Variants in CSMD3 observed in about 807,000 individuals in gnomAD.
The protein encoded by CSMD3 is CUB and Sushi multiple domains 3, also known as CUB and sushi domain-containing protein 3.
Under a neutral mutation model 435.2 loss-of-function variants are expected in CSMD3, and 177 were observed. The observed-to-expected ratio is 0.41, with a 90% CI of 0.36 to 0.46. The LOEUF (loss-of-function observed/expected upper bound fraction) is 0.46. CSMD3 is among the 20% of genes least tolerant of loss of function. The pLI is 0.34. For synonymous variants in CSMD3, 1,656 were observed against 1,520.5 expected (o/e 1.09, Z -2.07); for missense variants, 4,265 against 4,504.6 (o/e 0.95, Z 1.52).
chr8:112,788,745 C>T (rs1488711323), intron 13 of CSMD3, among the ~76,000 whole-genome samples: 1 of 152,074 alleles, frequency 6.6e-6, no homozygotes, highest in African/African-American at 2.4e-5. Flanking sequence ...ACCACTCATT[C>T]TAATTCTTGG....
intron 3 of CSMD3, among the ~76,000 whole-genome samples, chr8:113,270,381 T>C (rs1041968589): frequency 3.9e-5 from 6 of 152,042 alleles, no homozygotes; most frequent in Admixed American, 1.3e-4. Context: ...TTGGTGGGAC[T>C]GTAAACTAGT....
chr8:112,853,454 G>T (rs765892792), intron 11 of CSMD3, among the ~76,000 whole-genome samples: 1 of 152,182 alleles, frequency 6.6e-6, no homozygotes, highest in Non-Finnish European at 1.5e-5. Context: ...TCAAACTCCT[G>T]ACCTCAGGTG....
rs4030099 is a variant in CSMD3, at chr8:112,361,572, CATATATATATATATATATATATAT to C, written c.6137-9062_6137-9039del. ...GTGTGTATGTATATATATACACATA[CATATATATATATATATATATATAT>C]ATATATATATATATATATATATATG... On this transcript the variant is annotated intron_variant, in intron 38 of 70. Coordinates refer to ENST00000297405, the MANE Select transcript of CSMD3 (RefSeq NM_198123.2). 4.5e-3 allele frequency among the ~76,000 whole-genome samples: 479 copies of C among 107,186 alleles called. 3 individuals carry two copies. The highest frequency in any genetic ancestry group is 6.2e-3 in the Non-Finnish European group (327 of 52,708). The allele number at this position is 107,186 out of a possible 152,430, so 70.3% of individuals were successfully genotyped here. A position where few individuals can be genotyped will look rare whatever the true frequency, so the allele number is the denominator to read the frequency against.
intron 9 of CSMD3, among the ~76,000 whole-genome samples, chr8:112,931,943 T>A (rs190475833): frequency 6.6e-6 from 1 of 152,180 alleles, no homozygotes; most frequent in East Asian, 1.9e-4. Flanking sequence ...AGACCTAAAG[T>A]AACAAATGCT....
chr8:113,119,721 T>C (rs934168202), intron 4 of CSMD3, among the ~76,000 whole-genome samples: 2 of 152,042 alleles, frequency 1.3e-5, no homozygotes, highest in African/African-American at 2.4e-5. Context: ...ATAGGAAAAA[T>C]AGTTAAATTC....
intron 12 of CSMD3, among the ~76,000 whole-genome samples, chr8:112,807,504 G>A (rs963678864): frequency 1.4e-5 from 2 of 147,664 alleles, no homozygotes; most frequent in Non-Finnish European, 3.0e-5. Context: ...AGGTAGGTAG[G>A]TAGGTAGGTA....
At position 112,770,118 on chromosome 8, in the gene CSMD3, A is replaced by C. The variant is rs73340202; in HGVS notation, c.1972+30044T>G. Among the ~76,000 whole-genome samples, 453 of 152,112 alleles carry C rather than the reference A, an allele frequency of 3.0e-3. 1 individual carries two copies. The highest frequency in any genetic ancestry group is 0.01 in the African/African-American group (420 of 41,524). On this transcript the variant is annotated intron_variant, in intron 13 of 70. Coordinates refer to ENST00000297405, the MANE Select transcript of CSMD3 (RefSeq NM_198123.2). ...TGTCTTATTAATCTTCTTTTATTTC[A>C]AGTACATGAAAAATTAAAAAAAGCT... is the stretch of plus-strand genomic sequence containing the variant.
chr8:112,432,594 T>A lies in CSMD3; in HGVS notation c.5396-23562A>T, dbSNP rs140107808. ...ACCCAAAGTGTTGGGATTAAAGATG[T>A]GGGCCACTGCACCCAGCCAGAATCA... On this transcript the variant is annotated intron_variant, in intron 32 of 70. Transcript: ENST00000297405. 5.6e-3 allele frequency among the ~76,000 whole-genome samples: 845 copies of A among 152,228 alleles called. 12 individuals carry two copies. Among genetic ancestry groups the A allele is most frequent in the African/African-American group, 0.019 (807 of 41,554 alleles).
chr8:113,186,288 C>G (rs940913050), intron 3 of CSMD3, among the ~76,000 whole-genome samples: 1 of 152,010 alleles, frequency 6.6e-6, no homozygotes, highest in Non-Finnish European at 1.5e-5. Flanking sequence ...TCATTGGCCA[C>G]TACCCACAAG....
At position 112,851,253 on chromosome 8, in the gene CSMD3, A is replaced by G. The variant is rs555636196; in HGVS notation, c.1755+7892T>C. 2.0e-5 allele frequency among the ~76,000 whole-genome samples: 3 copies of G among 152,304 alleles called. No individual in the cohort carries two copies. The South Asian group carries it at 6.2e-4, about 32-fold the overall frequency. ...CGTAACTTTGATTGAAGTCCCCTCC[A>G]GGACCACCCGGAATGGCAGAAAGGT... On this transcript the variant is annotated intron_variant, in intron 11 of 70. Transcript: ENST00000297405.
chr8:113,225,708 A>C (rs1016774842), intron 3 of CSMD3, among the ~76,000 whole-genome samples: 2 of 151,568 alleles, frequency 1.3e-5, no homozygotes, highest in Non-Finnish European at 3.0e-5. Flanking sequence ...AGTAACATAC[A>C]ATTCAGGGGG....
chr8:113,118,845 C>T (rs997757366), intron 4 of CSMD3, among the ~76,000 whole-genome samples: 8 of 152,038 alleles, frequency 5.3e-5, no homozygotes, highest in Non-Finnish European at 7.3e-5. Context: ...GCAAAATTGC[C>T]GCAGCAGGGG....
chr8:112,329,137 A>C (rs2130914218), intron 45 of CSMD3, among the ~76,000 whole-genome samples: 1 of 152,260 alleles, frequency 6.6e-6, no homozygotes, highest in South Asian at 2.1e-4. Context: ...TGAGCCCATT[A>C]AAATCTGAAA....
At chr8:112,635,711 T>G (rs1450929415) in intron 22 of CSMD3, among the ~76,000 whole-genome samples, 1 of 152,128 alleles carries the variant, frequency 6.6e-6, no homozygotes, top group Non-Finnish European at 1.5e-5. Flanking sequence ...CCACACTAAC[T>G]TGGATGATCA....
intron 13 of CSMD3, among the ~76,000 whole-genome samples, chr8:112,770,148 C>G (rs1052888521): frequency 6.6e-6 from 1 of 151,924 alleles, no homozygotes; most frequent in African/African-American, 2.4e-5. Flanking sequence ...AAAGCTCATA[C>G]AACTCGTTGG....
intron 1 of CSMD3, among the ~76,000 whole-genome samples, chr8:113,413,560 A>C (rs2094568824): frequency 6.6e-6 from 1 of 152,116 alleles, no homozygotes; most frequent in African/African-American, 2.4e-5. Flanking sequence ...CACAGTCCCC[A>C]CCCTCACAGA....
chr8:112,706,221 T>A (rs1666773902), intron 13 of CSMD3, among the ~76,000 whole-genome samples: 1 of 152,054 alleles, frequency 6.6e-6, no homozygotes, highest in African/African-American at 2.4e-5. Context: ...CATTCATCTA[T>A]TCATTCAAAT....
intron 15 of CSMD3, among the ~76,000 whole-genome samples, chr8:112,683,499 A>G (rs1189974944): frequency 6.6e-6 from 1 of 152,010 alleles, no homozygotes; most frequent in African/African-American, 2.4e-5. Context: ...CTCACAGTTT[A>G]TATTTAGCCA....
Position 112,772,775 on chromosome 8 carries a change from T to C in CSMD3, c.1972+27387A>G, listed in dbSNP as rs111793308. On this transcript the variant is annotated intron_variant, in intron 13 of 70. Coordinates refer to ENST00000297405, the MANE Select transcript of CSMD3 (RefSeq NM_198123.2). ...CCGCCTTAGGGCTGGAGGTGGGACA[T>C]GCTGGCAGCAATACTGCTCTTTAAT... 2.6e-4 allele frequency among the ~76,000 whole-genome samples: 39 copies of C among 152,196 alleles called. 1 individual carries two copies. Among genetic ancestry groups the C allele is most frequent in the African/African-American group, 8.4e-4 (35 of 41,566 alleles).
Sources: gnomAD v4.1 joint callset for allele counts (sites outside exome capture counted in the v4.1 genomes callset) on GRCh38, gnomAD v4.1.1 for gene constraint, MANE v1.5 for transcripts, NCBI Gene and HGNC (gene_info 2026-07-23, HGNC 2026-07-21) for gene names.